Variants in ME1 observed in about 807,000 individuals in gnomAD.
ME1 encodes malic enzyme 1.
ME1 carries 74 observed loss-of-function variants against 66.4 expected under a neutral mutation model. The ratio of observed to expected loss-of-function variants is 1.11; its 90% CI spans 0.92 to 1.35. The LOEUF (loss-of-function observed/expected upper bound fraction) is 1.35. Ranked by LOEUF, ME1 falls within the 40% of genes most tolerant of loss-of-function variation. The probability of loss-of-function intolerance (pLI) is 0.00; values close to 1 mark genes in which losing one functional copy is unlikely to be tolerated. For missense variants in ME1, 750 were observed against 694.1 expected (o/e 1.08, Z -0.90); for synonymous variants, 251 against 235.6 (o/e 1.07, Z -0.60).
intron 3 of ME1, among the ~76,000 whole-genome samples, chr6:83,361,914 A>G (rs1769012603): frequency 6.6e-6 from 1 of 152,136 alleles, no homozygotes; most frequent in African/African-American, 2.4e-5. Flanking sequence ...TCACGTGTCC[A>G]TGGTCTCCAC....
chr6:83,331,585 C>CAA (rs1222661961), intron 5 of ME1, among the ~76,000 whole-genome samples: 164 of 73,228 alleles, frequency 2.2e-3, no homozygotes, highest in Middle Eastern at 8.9e-3. Context: ...GACTCCATCT[C>CAA]AAAAAAAAAA....
At position 83,212,106 on chromosome 6, in the gene ME1, A is replaced by G. The variant is rs1053231233; in HGVS notation, c.1549-12T>C. 4 of 1,567,904 alleles carry G rather than the reference A, an allele frequency of 2.6e-6. 1 individual carries two copies. Among genetic ancestry groups the G allele is most frequent in the Non-Finnish European group, 3.5e-6 (4 of 1,151,376 alleles). On this transcript the variant is annotated splice_polypyrimidine_tract_variant and intron_variant, in intron 13 of 13. Transcript: ENST00000369705. Reference sequence around the variant, plus strand: ...GCATCTTTCACAATCTAGATATAAGAAAAGAATATTAATTATTTTAATAAA... The same window carrying G: ...GCATCTTTCACAATCTAGATATAAGGAAAGAATATTAATTATTTTAATAAA...
intron 11 of ME1, among the ~76,000 whole-genome samples, chr6:83,225,258 G>A (rs1356362672): frequency 6.7e-6 from 1 of 148,580 alleles, no homozygotes; most frequent in Non-Finnish European, 1.5e-5. Flanking sequence ...GTTAGGTGCT[G>A]CATTTCATAT....
rs145732517 is a variant in ME1, at chr6:83,299,809, A to C, written c.704+15501T>G. Among the ~76,000 whole-genome samples the C allele has an allele frequency of 6.6e-3, 1,003 of 152,284 alleles. 11 individuals are homozygous for C. Among genetic ancestry groups the C allele is most frequent in the African/African-American group, 0.023 (951 of 41,556 alleles). On this transcript the variant is annotated intron_variant, in intron 6 of 13. Transcript: ENST00000369705. ...TAGTTTATTGAGAGTTTTTAACATG[A>C]AGGGATATCAAATCTTATCGAAGGC...
At chr6:83,406,161 G>A (rs1466211195) in intron 2 of ME1, among the ~76,000 whole-genome samples, 5 of 152,202 alleles carry the variant, frequency 3.3e-5, no homozygotes, top group Non-Finnish European at 5.9e-5. Flanking sequence ...AACCAGCCTT[G>A]CATCCCAGGG....
intron 5 of ME1, 121 bp downstream of exon 5, chr6:83,346,052 G>T: frequency 1.3e-6 from 1 of 752,170 alleles, no homozygotes; most frequent in East Asian, 2.8e-5. Flanking sequence ...CAGATTTGGA[G>T]AGAGAAAGAG....
At chr6:83,360,573 A>C (rs1768990020) in intron 3 of ME1, among the ~76,000 whole-genome samples, 1 of 152,166 alleles carries the variant, frequency 6.6e-6, no homozygotes, top group Non-Finnish European at 1.5e-5. Context: ...TGGTAGGGTG[A>C]GGGCTATTAT....
intron 1 of ME1, among the ~76,000 whole-genome samples, chr6:83,409,349 T>C (rs924101107): frequency 6.6e-6 from 1 of 152,174 alleles, no homozygotes; most frequent in Non-Finnish European, 1.5e-5. Context: ...GATTCTACAA[T>C]CATTCCTCTG....
At position 83,357,931 on chromosome 6, in the gene ME1, C is replaced by CTATA. The variant is rs1562489403; in HGVS notation, c.363-5793_363-5792insTATA. On this transcript the variant is annotated intron_variant, in intron 3 of 13. Coordinates refer to ENST00000369705, the MANE Select transcript of ME1 (RefSeq NM_002395.6). ...TCTCTCTCTCTCTCTCTCTCTCTCT[C>CTATA]TCTCTATATATATATATATATATAT... Among the ~76,000 whole-genome samples the CTATA allele has an allele frequency of 3.9e-4, 20 of 51,740 alleles. 1 individual carries two copies. Among genetic ancestry groups the CTATA allele is most frequent in the African/African-American group, 3.2e-4 (5 of 15,444 alleles). The allele number at this position is 51,740 out of a possible 152,430, so 33.9% of individuals were successfully genotyped here.
chr6:83,218,681 G>T (rs916824379), intron 12 of ME1, among the ~76,000 whole-genome samples: 1 of 152,180 alleles, frequency 6.6e-6, no homozygotes, highest in Non-Finnish European at 1.5e-5. Context: ...AATTAGTGGA[G>T]TTAATAATCG....
At chr6:83,332,253 AC>A (rs537735671) in intron 5 of ME1, among the ~76,000 whole-genome samples, 190 of 152,292 alleles carry the variant, frequency 1.2e-3, no homozygotes, top group African/African-American at 4.2e-3. Context: ...GTCAAAAAAA[AC>A]AATAGATGTT....
chr6:83,211,943 T>C lies in ME1; in HGVS notation c.1700A>G (p.Gln567Arg), dbSNP rs146203622. Residue 567 changes from glutamine (Q) to arginine (R), a missense_variant, in exon 14 of 14, where the codon CAG becomes CGG. Gln to Arg is a conservative substitution (Grantham distance 43, BLOSUM62 1). Transcript: ENST00000369705. ...ATTATCCTACTGGTCAACTTTGGTC[T>C]GTATTTTCTGCACCTCTTCAGGCCA... The part of the protein sequence containing the change: ...YSWPEEVQKI[Q>R]TKVDQ 5.0e-5 allele frequency: 80 copies of C among 1,598,850 alleles called. No individual in the cohort carries two copies. The African/African-American group carries it at 9.9e-4, about 20-fold the overall frequency.
In ME1 at chr6:83,268,115, C is replaced by T. The variant is rs188344440; in HGVS notation, c.705-14377G>A. Among the ~76,000 whole-genome samples, 1,072 of 152,228 alleles carry T rather than the reference C, an allele frequency of 7.0e-3. 9 individuals carry two copies. Among genetic ancestry groups the T allele is most frequent in the Non-Finnish European group, 0.01 (712 of 68,002 alleles). ...TTTCTTTTTGAAGTTGTTAGCTGAA[C>T]TGCAGAACAGATCAGGTCCCAGATT... On this transcript the variant is annotated intron_variant, in intron 6 of 13. Coordinates refer to ENST00000369705, the MANE Select transcript of ME1 (RefSeq NM_002395.6).
At chr6:83,353,925 G>C (rs192915686) in intron 3 of ME1, among the ~76,000 whole-genome samples, 6 of 152,050 alleles carry the variant, frequency 3.9e-5, no homozygotes, top group African/African-American at 1.4e-4. Context: ...TGACATTGTT[G>C]GTTTTCCCTT....
rs1767737638 is a variant in ME1 at position 83,302,228 on chromosome 6, ACTTATAAG to A, written c.704+13074_704+13081del. Reference sequence around the variant, plus strand: ...AGAAAACAAATTACCACATGTTCTCACTTATAAGTGAAACCTAAATAATAAGAACATGT... The same window carrying A: ...AGAAAACAAATTACCACATGTTCTCATGAAACCTAAATAATAAGAACATGT... On this transcript the variant is annotated intron_variant, in intron 6 of 13. Transcript: ENST00000369705. 5.9e-5 allele frequency among the ~76,000 whole-genome samples: 9 copies of A among 152,326 alleles called. No homozygotes were observed. In the East Asian group the frequency reaches 1.2e-3, roughly 20 times the overall value.
intron 6 of ME1, among the ~76,000 whole-genome samples, chr6:83,312,538 C>G (rs1767951014): frequency 6.6e-6 from 1 of 152,076 alleles, no homozygotes; most frequent in South Asian, 2.1e-4. Flanking sequence ...AAAAAACCAA[C>G]ATAGCATTGA....
chr6:83,361,174 C>T (rs1266047042), intron 3 of ME1, among the ~76,000 whole-genome samples: 1 of 152,226 alleles, frequency 6.6e-6, no homozygotes, highest in Non-Finnish European at 1.5e-5. Context: ...ATTGGTGAGA[C>T]ATTTGCGTGC....
intron 6 of ME1, among the ~76,000 whole-genome samples, chr6:83,262,628 A>C (rs1766919817): frequency 6.6e-6 from 1 of 152,196 alleles, no homozygotes; most frequent in Non-Finnish European, 1.5e-5. Flanking sequence ...ATTGTATATT[A>C]TTTTACTGAA....
In ME1 at chr6:83,382,605, C is replaced by T. The variant is rs374195924; in HGVS notation, c.362+15762G>A. On this transcript the variant is annotated intron_variant, in intron 3 of 13. Coordinates refer to ENST00000369705, the MANE Select transcript of ME1 (RefSeq NM_002395.6). The stretch of plus-strand genomic sequence containing the variant: ...CTGAAAAGCAATATATGAAACTCTT[C>T]ACAAGTAAACACTCCAGTATTTGAG... Among the ~76,000 whole-genome samples the T allele has an allele frequency of 1.1e-4, 17 of 152,172 alleles. No homozygotes were observed. The South Asian group carries it at 3.5e-3, about 32-fold the overall frequency.
Sources: gnomAD v4.1 joint callset for allele counts (sites outside exome capture counted in the v4.1 genomes callset) on GRCh38, gnomAD v4.1.1 for gene constraint, MANE v1.5 for transcripts, NCBI Gene and HGNC (gene_info 2026-07-23, HGNC 2026-07-21) for gene names.